The following FZD8 variants were observed in gnomAD, a reference collection of about 807,000 sequenced individuals.
The protein encoded by FZD8 is frizzled-8.
In FZD8, 18 loss-of-function variants were observed where a neutral mutation model predicts 46.0. That is an observed-to-expected ratio of 0.39 (90% CI 0.27 to 0.58). FZD8 has a LOEUF of 0.58. Ranked by LOEUF, FZD8 falls within the 20% of genes least tolerant of loss-of-function variation. The pLI, the probability that FZD8 is intolerant of heterozygous loss-of-function variation, is 0.55. For missense variants in FZD8, 785 were observed against 983.4 expected (o/e 0.80, Z 2.70); for synonymous variants, 586 against 467.9 (o/e 1.25, Z -3.26).
Position 35,642,178 on chromosome 10 carries a change from C to G in FZD8, c.-749G>C, listed in dbSNP as rs1740397085. On this transcript the variant is annotated 5_prime_UTR_variant, in exon 1 of 1. Coordinates refer to ENST00000374694, the MANE Select transcript of FZD8 (RefSeq NM_031866.3). ...CTCCTTCCTGCTGGACACCCAGGAG[C>G]AAATCCAGACCGGAAGGCGGAGCGG... 6.6e-6 allele frequency: 1 copy of G among 152,392 alleles called. No homozygotes were observed. The highest frequency in any genetic ancestry group is 1.5e-5 in the Non-Finnish European group (1 of 68,146). The allele number at this position is 152,392 out of a possible 1,614,324, so 9.4% of individuals were successfully genotyped here.
rs1296442938 is a variant in FZD8 at position 35,640,057 on chromosome 10, G to A, written c.1373C>T (p.Ala458Val). The A allele has an allele frequency of 1.9e-6, 3 of 1,610,102 alleles. No homozygotes were observed. The highest frequency in any genetic ancestry group is 2.5e-6 in the Non-Finnish European group (3 of 1,179,444). ...CGGGTCGCCGTCCACCGAGCTGAGC[G>A]CCAGCACCGCGATGGACTTGACGCT... ...VPSVKSIAVL[A>V]LSSVDGDPVA... is the part of the protein sequence containing the mutation. Residue 458 changes from alanine (A) to valine (V), a missense_variant, in exon 1 of 1, where the codon GCG (alanine) becomes GTG (valine). Around this residue, in one of 5 missense-constraint regions of FZD8, gnomAD observed 147 missense variants for 242.5 expected, o/e 0.61. Transcript: ENST00000374694.
In FZD8 at chr10:35,641,025, G is replaced by A. The variant is rs773336882; in HGVS notation, c.405C>T (p.Cys135=). The A allele has an allele frequency of 5.6e-6, 9 of 1,607,340 alleles. No homozygotes were observed. Among genetic ancestry groups the A allele is most frequent in the Middle Eastern group, 1.6e-4 (1 of 6,070 alleles). ...YGFAWPDRMR[C]DRLPEQGNPD... ...GGTTGCCTTGCTCGGGCAGCCGGTCGCAGCGCATGCGGTCGGGCCAGGCGA... is the reference window on the plus strand; with the variant it reads ...GGTTGCCTTGCTCGGGCAGCCGGTCACAGCGCATGCGGTCGGGCCAGGCGA... The change falls in exon 1 of 1, where the codon TGC becomes TGT. Residue 135 remains cysteine, a synonymous_variant. Coordinates refer to ENST00000374694, the MANE Select transcript of FZD8 (RefSeq NM_031866.3). The surrounding 1 kb of genome is among the most constrained non-coding windows in gnomAD (Gnocchi z 6.3).
rs982110009 is a variant in FZD8, at chr10:35,639,482, C to A, written c.1948G>T (p.Gly650Trp). 6 of 941,290 alleles carry A rather than the reference C, an allele frequency of 6.4e-6. No individual in the cohort carries two copies. The highest frequency in any genetic ancestry group is 4.7e-5 in the South Asian group (1 of 21,416). 58.3% of individuals were successfully genotyped at this position (941,290 alleles called of 1,614,324 possible). ...GGGGPGGGGG[G>W]GPGGGGGPGG... ...GGCCCCCCGCCGCCGCCGGGTCCCCCGCCGCCGCCGCCCCCCGGCCCGCCG... is the reference window on the plus strand; with the variant it reads ...GGCCCCCCGCCGCCGCCGGGTCCCCAGCCGCCGCCGCCCCCCGGCCCGCCG... Residue 650 changes from glycine (G) to tryptophan (W), a missense_variant, in exon 1 of 1, where the codon GGG becomes TGG. Physicochemically the swap from Gly to Trp is radical, Grantham distance 184. Transcript: ENST00000374694.
rs774795765 is a variant in FZD8, at chr10:35,640,589, T to G, written c.841A>C (p.Ile281Leu). 2 of 1,585,970 alleles carry G rather than the reference T, an allele frequency of 1.3e-6. No individual in the cohort carries two copies. Among genetic ancestry groups the G allele is most frequent in the African/African-American group, 2.7e-5 (2 of 73,822 alleles). ...AAGCAGAGCACCGACCACAGGCCGA[T>G]CCAGAAGACGGTGAAGGCGCGCTCG... ...QDERAFTVFW[I>L]GLWSVLCFVS... The change falls in exon 1 of 1, where the codon ATC becomes CTC. Residue 281 changes from isoleucine to leucine, a missense_variant. Around this residue, in one of 5 missense-constraint regions of FZD8, gnomAD observed 354 missense variants for 433.2 expected, o/e 0.82. Transcript: ENST00000374694.
chr10:35,639,323 CTGGGCG>C lies in FZD8; in HGVS notation c.*16_*21del. The C allele has an allele frequency of 7.9e-7, 1 of 1,258,028 alleles. No individual in the cohort carries two copies. 77.9% of individuals were successfully genotyped at this position (1,258,028 alleles called of 1,614,324 possible). ...CTCCTCGCCCCCCTCCCCACCCCTCCTGGGCGCCCCCTCCCCTCCGCTCAGACCTGG... is the reference window on the plus strand; with the variant it reads ...CTCCTCGCCCCCCTCCCCACCCCTCCCCCCCTCCCCTCCGCTCAGACCTGG... On this transcript the variant is annotated 3_prime_UTR_variant, in exon 1 of 1. Transcript: ENST00000374694.
At position 35,639,329 on chromosome 10, in the gene FZD8, G is replaced by A. The variant is rs1308725341; in HGVS notation, c.*16C>T. ...GCCCCCCTCCCCACCCCTCCTGGGC[G>A]CCCCCTCCCCTCCGCTCAGACCTGG... On this transcript the variant is annotated 3_prime_UTR_variant, in exon 1 of 1. Transcript: ENST00000374694. The A allele has an allele frequency of 2.6e-6, 3 of 1,140,876 alleles. No homozygotes were observed. The highest frequency in any genetic ancestry group is 3.1e-4 in the Middle Eastern group (1 of 3,258). 70.7% of individuals were successfully genotyped at this position (1,140,876 alleles called of 1,614,324 possible). A position where few individuals can be genotyped will look rare whatever the true frequency, so the allele number is the denominator to read the frequency against.
chr10:35,640,870 C>T lies in FZD8; in HGVS notation c.560G>A (p.Gly187Glu), dbSNP rs1412623189. Residue 187 changes from glycine (G) to glutamate (E), a missense_variant, in exon 1 of 1, where the codon GGG (glycine) becomes GAG (glutamate). Gly to Glu is a moderately conservative substitution (Grantham distance 98). Around this residue, in one of 5 missense-constraint regions of FZD8, gnomAD observed 354 missense variants for 433.2 expected, o/e 0.82. Coordinates refer to ENST00000374694, the MANE Select transcript of FZD8 (RefSeq NM_031866.3). Reference sequence around the variant, plus strand: ...GCCGCCGCGGTGCGGGGGCCTGGCCCCCGGCGGGCGGCCGTGGCCGCTGCC... The same window carrying T: ...GCCGCCGCGGTGCGGGGGCCTGGCCTCCGGCGGGCGGCCGTGGCCGCTGCC... ...PSGSGHGRPPGARPPHRGGGR... is the reference protein window; with the variant it reads ...PSGSGHGRPPEARPPHRGGGR... 1 of 979,308 alleles carries T rather than the reference C, an allele frequency of 1.0e-6. No individual in the cohort carries two copies. The allele number at this position is 979,308 out of a possible 1,614,324, so 60.7% of individuals were successfully genotyped here.
In FZD8 at chr10:35,641,747, G is replaced by A. The variant is rs1475802245; in HGVS notation, c.-318C>T. On this transcript the variant is annotated 5_prime_UTR_variant, in exon 1 of 1. Coordinates refer to ENST00000374694, the MANE Select transcript of FZD8 (RefSeq NM_031866.3). The surrounding 1 kb of genome is among the most constrained non-coding windows in gnomAD (Gnocchi z 6.3). ...TCGCGCTCAGCCCTCGCGGCGCAGA[G>A]CGGCCGGGCCTCGGCTCATCGTCCC... The A allele has an allele frequency of 1.2e-4, 28 of 236,564 alleles. No individual in the cohort carries two copies. The allele number at this position is 236,564 out of a possible 1,614,324, so 14.7% of individuals were successfully genotyped here.
rs1248760632 is a variant in FZD8 at position 35,641,842 on chromosome 10, C to G, written c.-413G>C. ...CCGCGCCGGGCGGCGGTGACTCCGC[C>G]GGACAGAGAGGGCGGAGGCGCCGCA... On this transcript the variant is annotated 5_prime_UTR_variant, in exon 1 of 1. Coordinates refer to ENST00000374694, the MANE Select transcript of FZD8 (RefSeq NM_031866.3). This position sits in a 1 kb window ranked among gnomAD's most constrained non-coding sequence, Gnocchi z 6.3. The G allele has an allele frequency of 3.2e-5, 5 of 156,166 alleles. No homozygotes were observed. The highest frequency in any genetic ancestry group is 2.9e-3 in the Middle Eastern group (1 of 344). 9.7% of individuals were successfully genotyped at this position (156,166 alleles called of 1,614,324 possible).
rs1184002565 is a variant in FZD8 at position 35,640,826 on chromosome 10, CGCCGCCACCGCCCCT to C, written c.589_603del (p.Arg197_Gly201del). ...CGAGCTGGGGGCGCCGCCGCGTCCC[CGCCGCCACCGCCCCT>C]GCCGCCGCCGCGGTGCGGGGGCCTG... On this transcript the variant is annotated inframe_deletion, in exon 1 of 1. Transcript: ENST00000374694. The C allele has an allele frequency of 5.4e-5, 53 of 980,258 alleles. No individual in the cohort carries two copies. Among genetic ancestry groups the C allele is most frequent in the Non-Finnish European group, 5.8e-5 (48 of 828,058 alleles). 60.7% of individuals were successfully genotyped at this position (980,258 alleles called of 1,614,324 possible).
Position 35,639,314 on chromosome 10 carries a change from C to T in FZD8, c.*31G>A. 2.0e-6 allele frequency: 2 copies of T among 987,876 alleles called. No homozygotes were observed. Among genetic ancestry groups the T allele is most frequent in the East Asian group, 3.6e-5 (1 of 27,704 alleles). The allele number at this position is 987,876 out of a possible 1,614,324, so 61.2% of individuals were successfully genotyped here. ...CACTTGGCTCTCCTCGCCCCCCTCC[C>T]CACCCCTCCTGGGCGCCCCCTCCCC... On this transcript the variant is annotated 3_prime_UTR_variant, in exon 1 of 1. Transcript: ENST00000374694.
chr10:35,639,498 C>G lies in FZD8; in HGVS notation c.1932G>C (p.Pro644=), dbSNP rs1835816933. 1 of 993,104 alleles carries G rather than the reference C, an allele frequency of 1.0e-6. No homozygotes were observed. The highest frequency in any genetic ancestry group is 1.2e-6 in the Non-Finnish European group (1 of 834,216). The allele number at this position is 993,104 out of a possible 1,614,324, so 61.5% of individuals were successfully genotyped here. ...CGGGTCCCCCGCCGCCGCCGCCCCC[C>G]GGCCCGCCGCCACCCCCCGCGGCCG... is the stretch of plus-strand genomic sequence containing the variant. The part of the protein sequence containing the change: ...GATAAGGGGG[P]GGGGGGGPGG... Residue 644 remains proline, a synonymous_variant, in exon 1 of 1, where the codon CCG becomes CCC. Transcript: ENST00000374694.
chr10:35,641,448 GT>G lies in FZD8; in HGVS notation c.-20del. 1 of 1,577,152 alleles carries G rather than the reference GT, an allele frequency of 6.3e-7. No homozygotes were observed. Among genetic ancestry groups the G allele is most frequent in the Non-Finnish European group, 8.6e-7 (1 of 1,165,638 alleles). ...ACTCCATGCTGTGCGCCTCGGCCCG[GT>G]GCCCTCGCCCTCCAGGCGGCGCGCA... On this transcript the variant is annotated 5_prime_UTR_variant, in exon 1 of 1. Transcript: ENST00000374694. This position sits in a 1 kb window ranked among gnomAD's most constrained non-coding sequence, Gnocchi z 6.3.
Position 35,640,683 on chromosome 10 carries a change from GT to G in FZD8, c.746del (p.Tyr249SerfsTer80). 6.5e-7 allele frequency: 1 copy of G among 1,535,514 alleles called. No homozygotes were observed. The highest frequency in any genetic ancestry group is 8.8e-7 in the Non-Finnish European group (1 of 1,134,908). ...CGATCTGGCCTGTCTTGACGCGGTTGTAGAGCGGGTGGCGCTCGCTGGACAC... is the reference window on the plus strand; with the variant it reads ...CGATCTGGCCTGTCTTGACGCGGTTGAGAGCGGGTGGCGCTCGCTGGACAC... ...VSVSSERHPL[Y>X]NRVKTGQIAN... On this transcript the variant is annotated frameshift_variant, in exon 1 of 1. Transcript: ENST00000374694. LOFTEE classifies it high-confidence loss of function.
At position 35,641,578 on chromosome 10, in the gene FZD8, C is replaced by T. The variant is rs901980671; in HGVS notation, c.-149G>A. 2.0e-5 allele frequency: 21 copies of T among 1,064,844 alleles called. No individual in the cohort carries two copies. Among genetic ancestry groups the T allele is most frequent in the Non-Finnish European group, 2.4e-5 (18 of 762,928 alleles). The allele number at this position is 1,064,844 out of a possible 1,614,324, so 66.0% of individuals were successfully genotyped here. Reference sequence around the variant, plus strand: ...CCCGGGAGGGGGGTCTGCCGATAATCTAACCCCTTCTAGGGGCGCGTCCGC... The same window carrying T: ...CCCGGGAGGGGGGTCTGCCGATAATTTAACCCCTTCTAGGGGCGCGTCCGC... On this transcript the variant is annotated 5_prime_UTR_variant, in exon 1 of 1. Transcript: ENST00000374694. The surrounding 1 kb of genome is among the most constrained non-coding windows in gnomAD (Gnocchi z 6.3).
In FZD8 at chr10:35,641,218, T is replaced by C; in HGVS notation, c.212A>G (p.Gln71Arg). The C allele has an allele frequency of 6.2e-7, 1 of 1,613,998 alleles. No homozygotes were observed. The highest frequency in any genetic ancestry group is 8.5e-7 in the Non-Finnish European group (1 of 1,179,924). The change falls in exon 1 of 1, where the codon CAG becomes CGG. Residue 71 changes from glutamine (Q) to arginine (R), a missense_variant. Gln to Arg is a conservative substitution (Grantham distance 43). This residue lies in a region of FZD8 where 354 missense variants were observed against 433.2 expected (regional missense o/e 0.82). Transcript: ENST00000374694. The surrounding 1 kb of genome is among the most constrained non-coding windows in gnomAD (Gnocchi z 6.3). ...TQDEAGLEVHQFWPLVEIQCS... is the reference protein window; with the variant it reads ...TQDEAGLEVHRFWPLVEIQCS... ...CTGGATCTCCACCAGCGGCCAGAACTGGTGCACCTCCAGGCCCGCCTCGTC... is the reference window on the plus strand; with the variant it reads ...CTGGATCTCCACCAGCGGCCAGAACCGGTGCACCTCCAGGCCCGCCTCGTC...
chr10:35,640,616 C>T lies in FZD8; in HGVS notation c.814G>A (p.Asp272Asn). The T allele has an allele frequency of 6.3e-7, 1 of 1,584,676 alleles. No individual in the cohort carries two copies. The highest frequency in any genetic ancestry group is 8.6e-7 in the Non-Finnish European group (1 of 1,163,484). Reference sequence around the variant, plus strand: ...CAGAAGACGGTGAAGGCGCGCTCGTCCTGGCTGAAAAAGGGGTTGTGGCAG... The same window carrying T: ...CAGAAGACGGTGAAGGCGCGCTCGTTCTGGCTGAAAAAGGGGTTGTGGCAG... Reference protein sequence around the residue: ...LPCHNPFFSQDERAFTVFWIG... With the variant: ...LPCHNPFFSQNERAFTVFWIG... The change falls in exon 1 of 1, where the codon GAC becomes AAC. Residue 272 changes from aspartate to asparagine, a missense_variant. Coordinates refer to ENST00000374694, the MANE Select transcript of FZD8 (RefSeq NM_031866.3).
chr10:35,642,260 G>T lies in FZD8; in HGVS notation c.-831C>A, dbSNP rs779579563. 2 of 152,552 alleles carry T rather than the reference G, an allele frequency of 1.3e-5. No individual in the cohort carries two copies. Among genetic ancestry groups the T allele is most frequent in the Admixed American group, 6.5e-5 (1 of 15,286 alleles). The allele number at this position is 152,552 out of a possible 1,614,324, so 9.4% of individuals were successfully genotyped here. A position where few individuals can be genotyped will look rare whatever the true frequency, so the allele number is the denominator to read the frequency against. ...CCGCCTCCTCCTCGGCGGGAGCAGCGCCCTTAGCCCAACTTCCCGGCTCCA... is the reference window on the plus strand; with the variant it reads ...CCGCCTCCTCCTCGGCGGGAGCAGCTCCCTTAGCCCAACTTCCCGGCTCCA... On this transcript the variant is annotated 5_prime_UTR_variant, in exon 1 of 1. Coordinates refer to ENST00000374694, the MANE Select transcript of FZD8 (RefSeq NM_031866.3).
chr10:35,639,089 AACGCG>A lies in FZD8; in HGVS notation c.*251_*255del, dbSNP rs1325243763. 6.1e-6 allele frequency: 1 copy of A among 164,250 alleles called. No individual in the cohort carries two copies. The highest frequency in any genetic ancestry group is 1.3e-5 in the Non-Finnish European group (1 of 75,570). The allele number at this position is 164,250 out of a possible 1,614,324, so 10.2% of individuals were successfully genotyped here. A position where few individuals can be genotyped will look rare whatever the true frequency, so the allele number is the denominator to read the frequency against. ...CCACCCTCCTCAGCCAACAGAAATT[AACGCG>A]TGGCGGGAGGAGCTCCCCGCACATC... On this transcript the variant is annotated 3_prime_UTR_variant, in exon 1 of 1. Transcript: ENST00000374694.
Sources: gnomAD v4.1 joint callset for allele counts on GRCh38, gnomAD v4.1.1 for gene constraint, gnomAD v4.1.1 regional missense constraint, Gnocchi (gnomAD v3.1) non-coding constraint, MANE v1.5 for transcripts, NCBI Gene and HGNC (gene_info 2026-07-23, HGNC 2026-07-21) for gene names.